SNX3: variants seen among roughly 807,000 people sequenced by gnomAD.
SNX3 encodes sorting nexin 3, also known as sorting nexin-3.
SNX3 carries 5 observed loss-of-function variants against 17.7 expected under a neutral mutation model. The ratio of observed to expected loss-of-function variants is 0.28; its 90% confidence interval spans 0.15 to 0.59. The LOEUF (loss-of-function observed/expected upper bound fraction) is 0.59. Ranked by LOEUF, SNX3 falls within the 20% of genes least tolerant of loss-of-function variation. The pLI, the probability that SNX3 is intolerant of heterozygous loss-of-function variation, is 0.88. For missense variants in SNX3, 132 were observed against 206.8 expected (o/e 0.64, Z 2.22); for synonymous variants, 91 against 76.5 (o/e 1.19, Z -0.99).
At position 108,245,191 on chromosome 6, in the gene SNX3, A is replaced by G. The variant is rs149552992; in HGVS notation, c.162+15569T>C. ...TGATCTCATTGTTCAACTCCCACTA[A>G]TAAGTGAAAACATGCAGTGTTTGGT... On this transcript the variant is annotated intron_variant, in intron 1 of 3. Transcript: ENST00000230085. Among the ~76,000 whole-genome samples the G allele has an allele frequency of 3.8e-3, 583 of 152,170 alleles. 1 individual carries two copies. Among genetic ancestry groups the G allele is most frequent in the Non-Finnish European group, 6.9e-3 (469 of 67,994 alleles).
intron 1 of SNX3, among the ~76,000 whole-genome samples, chr6:108,250,003 A>G (rs1022534865): frequency 6.6e-6 from 1 of 152,050 alleles, no homozygotes; most frequent in African/African-American, 2.4e-5. Flanking sequence ...CTCCGCCCCC[A>G]GGGTTCAAGT....
At chr6:108,215,106 T>C (rs922231220) in intron 2 of SNX3, among the ~76,000 whole-genome samples, 15 of 152,292 alleles carry the variant, frequency 9.8e-5, no homozygotes, top group African/African-American at 3.6e-4. Flanking sequence ...TCCCAGCACT[T>C]TGGGAGGCCG....
intron 2 of SNX3, among the ~76,000 whole-genome samples, chr6:108,220,753 G>A (rs1014481558): frequency 3.3e-5 from 5 of 152,036 alleles, no homozygotes; most frequent in South Asian, 4.1e-4. Context: ...CGAGGAGGGC[G>A]GATCACCTGA....
In SNX3 at chr6:108,220,032, C is replaced by T; in HGVS notation, c.258+2918G>A. On this transcript the variant is annotated intron_variant, in intron 2 of 3. Coordinates refer to ENST00000230085, the MANE Select transcript of SNX3 (RefSeq NM_003795.6). ...TTAAAAAAATTTAAATAGAGAAAAG[C>T]TTATAGAATAAGAATATAAAGAACA... Among the ~76,000 whole-genome samples, 3 of 152,066 alleles carry T rather than the reference C, an allele frequency of 2.0e-5. No homozygotes were observed. In the Middle Eastern group the frequency reaches 0.01, roughly 517 times the overall value.
At chr6:108,240,625 T>A (rs528009340) in intron 1 of SNX3, among the ~76,000 whole-genome samples, 1 of 152,178 alleles carries the variant, frequency 6.6e-6, no homozygotes, top group African/African-American at 2.4e-5. Context: ...ACACCATCAC[T>A]GCTGGAGGGG....
intron 1 of SNX3, among the ~76,000 whole-genome samples, chr6:108,243,543 C>T (rs754580670): frequency 6.6e-6 from 1 of 152,100 alleles, no homozygotes; most frequent in Non-Finnish European, 1.5e-5. Context: ...GACTTCAGCA[C>T]ATTACCCATC....
chr6:108,234,253 A>G (rs974273209), intron 1 of SNX3, among the ~76,000 whole-genome samples: 2 of 151,606 alleles, frequency 1.3e-5, no homozygotes, highest in Non-Finnish European at 2.9e-5. Flanking sequence ...ATATATATAT[A>G]TAACATATAC....
chr6:108,224,665 T>C (rs561967924), intron 1 of SNX3, among the ~76,000 whole-genome samples: 1 of 152,302 alleles, frequency 6.6e-6, no homozygotes, highest in East Asian at 1.9e-4. Context: ...AAATAAAACA[T>C]TATTCTTAAT....
chr6:108,221,531 A>ATTTTTTT (rs1562421607), intron 2 of SNX3, among the ~76,000 whole-genome samples: 1 of 78,448 alleles, frequency 1.3e-5, no homozygotes, highest in Admixed American at 1.5e-4. Flanking sequence ...ACAGTATTAC[A>ATTTTTTT]CTTTTTTTTT....
At chr6:108,248,215 T>A (rs1466864741) in intron 1 of SNX3, among the ~76,000 whole-genome samples, 1 of 152,158 alleles carries the variant, frequency 6.6e-6, no homozygotes, top group East Asian at 1.9e-4. Flanking sequence ...AGATTATGCA[T>A]ATTTTATGAA....
intron 1 of SNX3, among the ~76,000 whole-genome samples, chr6:108,225,583 G>A (rs1019818372): frequency 7.8e-4 from 119 of 152,094 alleles, no homozygotes; most frequent in African/African-American, 2.7e-3. Flanking sequence ...GTGAGCCGAA[G>A]ATCGCTCCAC....
chr6:108,229,225 A>G (rs1330006136), intron 1 of SNX3, among the ~76,000 whole-genome samples: 1 of 144,640 alleles, frequency 6.9e-6, no homozygotes, highest in East Asian at 2.0e-4. Context: ...ATGCCACTGC[A>G]CTCCAGCCTG....
At chr6:108,238,462 C>T (rs761006041) in intron 1 of SNX3, among the ~76,000 whole-genome samples, 1 of 152,056 alleles carries the variant, frequency 6.6e-6, no homozygotes, top group Non-Finnish European at 1.5e-5. Flanking sequence ...TACACCACTA[C>T]ATATCAAAAG....
intron 1 of SNX3, among the ~76,000 whole-genome samples, chr6:108,257,667 A>C (rs1776070119): frequency 6.6e-6 from 1 of 152,202 alleles, no homozygotes; most frequent in Non-Finnish European, 1.5e-5. Context: ...AACACATTAC[A>C]TACTAAAAGA....
intron 1 of SNX3, among the ~76,000 whole-genome samples, chr6:108,227,924 C>G (rs1006746547): frequency 6.6e-6 from 1 of 151,228 alleles, no homozygotes; most frequent in South Asian, 2.1e-4. Flanking sequence ...GATTGAAGGG[C>G]GGAGAGGTTT....
chr6:108,215,219 G>A (rs571945082), intron 2 of SNX3, among the ~76,000 whole-genome samples: 1 of 152,076 alleles, frequency 6.6e-6, no homozygotes, highest in African/African-American at 2.4e-5. Context: ...GCGTGGTGGC[G>A]GGCGCCTGTA....
intron 3 of SNX3, among the ~76,000 whole-genome samples, chr6:108,213,631 G>A (rs1774474401): frequency 7.0e-6 from 1 of 143,178 alleles, no homozygotes; most frequent in Admixed American, 7.2e-5. Flanking sequence ...CAGCCTGGGC[G>A]ACAGAGCAAG....
chr6:108,216,205 C>T (rs1349446292), intron 2 of SNX3, among the ~76,000 whole-genome samples: 2 of 152,034 alleles, frequency 1.3e-5, no homozygotes, highest in African/African-American at 2.4e-5. Flanking sequence ...CCCAAATAGC[C>T]GGGACACTAC....
intron 1 of SNX3, among the ~76,000 whole-genome samples, chr6:108,258,203 T>C (rs189213037): frequency 2.6e-5 from 4 of 152,268 alleles, no homozygotes; most frequent in African/African-American, 9.6e-5. Context: ...CTCATGCCTG[T>C]AATCCCAGCA....
Sources: allele counts gnomAD v4.1 joint callset (sites outside exome capture counted in the v4.1 genomes callset), GRCh38; gene constraint gnomAD v4.1.1; transcripts MANE v1.5; gene names NCBI Gene and HGNC (gene_info 2026-07-23, HGNC 2026-07-21).